The following RBM47 variants were observed in gnomAD, a reference collection of about 807,000 sequenced individuals.
The protein encoded by RBM47 is RNA-binding protein 47.
RBM47 carries 21 observed loss-of-function variants against 47.1 expected under a neutral mutation model. That is an observed-to-expected ratio of 0.45 (90% confidence interval 0.32 to 0.64). The LOEUF is 0.64. Ranked by LOEUF, RBM47 falls within the 30% of genes least tolerant of loss-of-function variation. RBM47 has a pLI of 0.05. For missense variants in RBM47, 708 were observed against 870.9 expected, an observed-to-expected ratio of 0.81 and a Z score of 2.35; for synonymous variants, 375 against 361.7, an observed-to-expected ratio of 1.04 and a Z score of -0.42.
At chr4:40,572,280 G>A (rs1731802790) in intron 1 of RBM47, among the ~76,000 whole-genome samples, 1 of 150,502 alleles carries the variant, frequency 6.6e-6, no homozygotes. Flanking sequence ...CCACTAGGGA[G>A]ACTGAGGTAG....
chr4:40,567,951 A>G (rs577423242), intron 1 of RBM47, among the ~76,000 whole-genome samples: 9 of 152,100 alleles, frequency 5.9e-5, no homozygotes, highest in Admixed American at 2.0e-4. Flanking sequence ...AATGTTCTAA[A>G]GTCCCAAACT....
intron 3 of RBM47, among the ~76,000 whole-genome samples, chr4:40,452,748 T>C (rs1312617269): frequency 2.6e-5 from 4 of 152,134 alleles, no homozygotes; most frequent in African/African-American, 7.2e-5. Flanking sequence ...GCAGAATTTA[T>C]GTCTCTTCTT....
At chr4:40,571,602 C>T (rs901892275) in intron 1 of RBM47, among the ~76,000 whole-genome samples, 1 of 152,022 alleles carries the variant, frequency 6.6e-6, no homozygotes, top group East Asian at 1.9e-4. Context: ...AATTCAACTA[C>T]ATAAAATTTT....
chr4:40,575,563 A>AAAAAAAAAAAC (rs1732217898), intron 1 of RBM47, among the ~76,000 whole-genome samples: 3 of 151,590 alleles, frequency 2.0e-5, no homozygotes, highest in African/African-American at 7.3e-5. Flanking sequence ...AAAAAAAAAA[A>AAAAAAAAAAAC]AAAAACTACC....
chr4:40,502,230 G>A (rs967253197), intron 2 of RBM47: 13 of 154,402 alleles, frequency 8.4e-5, no homozygotes, highest in Non-Finnish European at 5.9e-5. Flanking sequence ...GGGTGGGTAC[G>A]TCACATTGGA....
intron 2 of RBM47, among the ~76,000 whole-genome samples, chr4:40,490,304 A>G (rs1721692831): frequency 6.6e-6 from 1 of 152,146 alleles, no homozygotes; most frequent in South Asian, 2.1e-4. Context: ...AAAGAAAAAA[A>G]AAGAAAGAAA....
At chr4:40,519,738 T>G (rs1577870819) in intron 2 of RBM47, among the ~76,000 whole-genome samples, 1 of 148,612 alleles carries the variant, frequency 6.7e-6, no homozygotes, top group Non-Finnish European at 1.5e-5. Flanking sequence ...GGCTCAATCT[T>G]GGCTCACTGC....
intron 1 of RBM47, among the ~76,000 whole-genome samples, chr4:40,595,682 G>T (rs1299162418): frequency 6.6e-6 from 1 of 152,042 alleles, no homozygotes; most frequent in Non-Finnish European, 1.5e-5. Flanking sequence ...GAGGTCAGAA[G>T]TTCAAGACCA....
chr4:40,434,923 G>A lies in RBM47; in HGVS notation c.1330+1518C>T, dbSNP rs1157663955. Among the ~76,000 whole-genome samples the A allele has an allele frequency of 2.0e-5, 3 of 152,302 alleles. No individual in the cohort carries two copies. The East Asian group carries it at 5.8e-4, about 29-fold the overall frequency. On this transcript the variant is annotated intron_variant, in intron 5 of 6. Coordinates refer to ENST00000295971, the MANE Select transcript of RBM47 (RefSeq NM_001098634.2). Reference sequence around the variant, plus strand: ...AGTTCTTCAACTTCCTCCTGCTGAAGCCAGGAGGGGTCTGGAGGAGGGTCG... The same window carrying A: ...AGTTCTTCAACTTCCTCCTGCTGAAACCAGGAGGGGTCTGGAGGAGGGTCG...
chr4:40,556,172 A>AT (rs1730064874), intron 1 of RBM47, among the ~76,000 whole-genome samples: 1 of 151,108 alleles, frequency 6.6e-6, no homozygotes, highest in African/African-American at 2.4e-5. Flanking sequence ...AGTAGCTGGG[A>AT]TTACAGGCAT....
rs182573533 is a variant in RBM47, at chr4:40,479,573, G to A, written c.-154-12874C>T. 2.5e-3 allele frequency among the ~76,000 whole-genome samples: 387 copies of A among 152,172 alleles called. 4 individuals carry two copies. The highest frequency in any genetic ancestry group is 8.6e-3 in the African/African-American group (358 of 41,520). ...TGCATCACTGCATTCCAGACTGGAT[G>A]ACAGAGTGAGATCCTGTCTCAAAAA... On this transcript the variant is annotated intron_variant, in intron 2 of 6. Transcript: ENST00000295971.
intron 1 of RBM47, among the ~76,000 whole-genome samples, chr4:40,621,233 GC>G (rs1298953988): frequency 6.6e-6 from 1 of 152,138 alleles, no homozygotes; most frequent in Non-Finnish European, 1.5e-5. Flanking sequence ...AACTGAGGAA[GC>G]CTTTTTCAGT....
intron 3 of RBM47, among the ~76,000 whole-genome samples, chr4:40,448,300 AGT>A (rs142525082): frequency 0.011 from 1,625 of 151,636 alleles, 14 homozygotes; most frequent in African/African-American, 0.034. Context: ...TGTGTGTTTG[AGT>A]GTGTGTGTGT....
chr4:40,625,566 G>A lies in RBM47; in HGVS notation c.-240+3830C>T, dbSNP rs73140378. Among the ~76,000 whole-genome samples the A allele has an allele frequency of 6.5e-3, 982 of 152,194 alleles. 7 individuals are homozygous for A. Among genetic ancestry groups the A allele is most frequent in the African/African-American group, 0.021 (892 of 41,512 alleles). ...CACCCACATGTGGATTATCCATAGC[G>A]TCTGGGAACGGGTTGTCTTCCACCC... On this transcript the variant is annotated intron_variant, in intron 1 of 6. Transcript: ENST00000295971.
intron 6 of RBM47, chr4:40,427,208 A>C (rs540293556): frequency 5.3e-5 from 8 of 152,338 alleles, no homozygotes; most frequent in African/African-American, 1.9e-4. Context: ...GACACCATTA[A>C]TGTATACAAA....
chr4:40,437,778 A>G lies in RBM47; in HGVS notation c.1116T>C (p.Phe372=), dbSNP rs771138704. The G allele has an allele frequency of 6.3e-6, 10 of 1,597,228 alleles. No individual in the cohort carries two copies. The highest frequency in any genetic ancestry group is 8.6e-6 in the Non-Finnish European group (10 of 1,166,354). The change falls in exon 4 of 7, where the codon TTT becomes TTC. Residue 372 remains phenylalanine, a synonymous_variant. Transcript: ENST00000295971. ...NALIGPNRDY[F]VKAGSIRGRG... ...AGAAGAGCCCCCACTAACCTTTCAC[A>G]AAGTAGTCCCTGTTGGGCCCAATGA...
intron 2 of RBM47, among the ~76,000 whole-genome samples, chr4:40,473,012 C>T (rs4861158): frequency 0.072 from 10,918 of 152,186 alleles, 479 homozygotes; most frequent in South Asian, 0.096. Context: ...CCACATCCAA[C>T]GATGTCCCTC....
rs201192048 is a variant in RBM47 at position 40,438,518 on chromosome 4, G to A, written c.376C>T (p.Arg126Cys). The A allele has an allele frequency of 7.0e-5, 113 of 1,613,644 alleles. No individual in the cohort carries two copies. Among genetic ancestry groups the A allele is most frequent in the Middle Eastern group, 3.3e-4 (2 of 6,082 alleles). The change falls in exon 4 of 7, where the codon CGC becomes TGC. Residue 126 changes from arginine to cysteine, a missense_variant. Physicochemically the swap from Arg to Cys is radical, Grantham distance 180. Coordinates refer to ENST00000295971, the MANE Select transcript of RBM47 (RefSeq NM_001098634.2). ...TAGTTGTTGAGCTCACGCACTGCGC[G>A]CTTGGCCTCGTGCTTGTGGCAGTAC... Reference protein sequence around the residue: ...VMYCHKHEAKRAVRELNNYEI... With the variant: ...VMYCHKHEAKCAVRELNNYEI...
intron 1 of RBM47, among the ~76,000 whole-genome samples, chr4:40,588,908 T>C (rs1733850291): frequency 1.3e-5 from 2 of 150,504 alleles, no homozygotes; most frequent in African/African-American, 4.9e-5. Context: ...TTGTGTGCCA[T>C]CAAAAACTCT....
Sources: allele counts gnomAD v4.1 joint callset (sites outside exome capture counted in the v4.1 genomes callset), GRCh38; gene constraint gnomAD v4.1.1; transcripts MANE v1.5; gene names NCBI Gene and HGNC (gene_info 2026-07-23, HGNC 2026-07-21).